The following CSTPP1 variants were observed in gnomAD, a reference collection of about 807,000 sequenced individuals.
CSTPP1 encodes centriolar satellite-associated tubulin polyglutamylase complex regulator 1.
the CSTPP1 span, among the ~76,000 whole-genome samples, chr11:47,057,159 A>G: frequency 2.8e-4 from 43 of 152,308 alleles, no homozygotes; most frequent in Non-Finnish European, 5.6e-4. Flanking sequence ...TATCTAAGCA[A>G]CTTTAGACTC....
chr11:46,978,522 T>C, the CSTPP1 span, among the ~76,000 whole-genome samples: 2 of 152,256 alleles, frequency 1.3e-5, no homozygotes, highest in Non-Finnish European at 2.9e-5. Flanking sequence ...TTAAGTGTTA[T>C]GAGTTTTCTG....
chr11:46,956,853 C>A, the CSTPP1 span, among the ~76,000 whole-genome samples: 1 of 151,478 alleles, frequency 6.6e-6, no homozygotes, highest in Non-Finnish European at 1.5e-5. Flanking sequence ...TTGGTTAAAT[C>A]AATATTCAGT....
At chr11:47,124,099 T>G in the CSTPP1 span, among the ~76,000 whole-genome samples, 1 of 149,492 alleles carries the variant, frequency 6.7e-6, no homozygotes, top group Non-Finnish European at 1.5e-5. Flanking sequence ...TTTCAAATAG[T>G]TCTTAATGGT....
At chr11:46,990,081 A>G in the CSTPP1 span, among the ~76,000 whole-genome samples, 2 of 152,136 alleles carry the variant, frequency 1.3e-5, no homozygotes, top group South Asian at 4.1e-4. Flanking sequence ...TGTCTTTGCT[A>G]TTGTGAATAG....
At chr11:46,967,057 G>A in the CSTPP1 span, among the ~76,000 whole-genome samples, 6 of 152,012 alleles carry the variant, frequency 3.9e-5, no homozygotes, top group Admixed American at 3.9e-4. Flanking sequence ...TTAAAATTTT[G>A]ATAAAGTGTA....
chr11:46,999,653 T>C, the CSTPP1 span, among the ~76,000 whole-genome samples: 1 of 152,330 alleles, frequency 6.6e-6, no homozygotes, highest in East Asian at 1.9e-4. Context: ...TTTTGGGGGA[T>C]GCAACTAGAG....
At chr11:47,009,797 C>T in the CSTPP1 span, among the ~76,000 whole-genome samples, 1 of 150,390 alleles carries the variant, frequency 6.6e-6, no homozygotes, top group Admixed American at 6.6e-5. Flanking sequence ...AACAGAGTGA[C>T]AGAGTAAGAC....
At chr11:47,003,217 T>C in the CSTPP1 span, among the ~76,000 whole-genome samples, 1 of 152,242 alleles carries the variant, frequency 6.6e-6, no homozygotes, top group South Asian at 2.1e-4. Flanking sequence ...TCAGTGCTTT[T>C]AATTTCTTCC....
At chr11:46,977,541 TAA>T in the CSTPP1 span, among the ~76,000 whole-genome samples, 2 of 152,258 alleles carry the variant, frequency 1.3e-5, no homozygotes, top group Admixed American at 1.3e-4. Context: ...CTTTGTTTCT[TAA>T]AGAGTTCATC....
At chr11:47,154,311 C>G in the CSTPP1 span, 1 of 152,398 alleles carries the variant, frequency 6.6e-6, no homozygotes, top group South Asian at 2.1e-4. Flanking sequence ...GGGGCCCGCC[C>G]CACCCCATCT....
the CSTPP1 span, among the ~76,000 whole-genome samples, chr11:47,026,531 A>G: frequency 1.3e-5 from 2 of 152,204 alleles, no homozygotes; most frequent in African/African-American, 2.4e-5. Context: ...GAATAAATAC[A>G]ATTCATATCT....
At chr11:47,023,622 C>T in the CSTPP1 span, among the ~76,000 whole-genome samples, 1 of 152,150 alleles carries the variant, frequency 6.6e-6, no homozygotes, top group Non-Finnish European at 1.5e-5. Flanking sequence ...CCTTCTGACC[C>T]CCTAGCTCCT....
the CSTPP1 span, among the ~76,000 whole-genome samples, chr11:47,029,972 A>G: frequency 1.3e-5 from 2 of 151,796 alleles, no homozygotes; most frequent in African/African-American, 2.4e-5. Context: ...GAAGAAAGAA[A>G]GAAAATTAGC....
At chr11:47,050,575 A>G in the CSTPP1 span, among the ~76,000 whole-genome samples, 3 of 152,204 alleles carry the variant, frequency 2.0e-5, no homozygotes, top group Non-Finnish European at 4.4e-5. Flanking sequence ...TACCAAAGCT[A>G]TAATTTCACT....
the CSTPP1 span, among the ~76,000 whole-genome samples, chr11:47,063,779 A>G: frequency 6.6e-6 from 1 of 152,194 alleles, no homozygotes; most frequent in Non-Finnish European, 1.5e-5. Context: ...TAATGCTGCT[A>G]TGAATGTAAG....
the CSTPP1 span, chr11:47,157,253 C>T: frequency 1.3e-6 from 2 of 1,527,772 alleles, no homozygotes; most frequent in Non-Finnish European, 1.8e-6. Flanking sequence ...AGCCCCCCAG[C>T]CCCAGGGGGT....
the CSTPP1 span, among the ~76,000 whole-genome samples, chr11:46,978,585 C>T: frequency 2.6e-5 from 4 of 152,202 alleles, no homozygotes. Context: ...CAACCATTTG[C>T]CCCATACGGT....
the CSTPP1 span, among the ~76,000 whole-genome samples, chr11:47,006,068 A>C: frequency 6.6e-6 from 1 of 152,208 alleles, no homozygotes; most frequent in South Asian, 2.1e-4. Context: ...TTGGACTTAC[A>C]TAAAGTTTAA....
the CSTPP1 span, among the ~76,000 whole-genome samples, chr11:47,089,562 T>C: frequency 6.6e-6 from 1 of 152,224 alleles, no homozygotes; most frequent in Non-Finnish European, 1.5e-5. Context: ...GCTGACATGG[T>C]AGAACTCTCC....
Sources: gnomAD v4.1 joint callset for allele counts (sites outside exome capture counted in the v4.1 genomes callset) on GRCh38, gnomAD v4.1.1 for gene constraint, MANE v1.5 for transcripts, NCBI Gene and HGNC (gene_info 2026-07-23, HGNC 2026-07-21) for gene names.